Variants in TBKBP1 observed in about 807,000 individuals in gnomAD.
The protein encoded by TBKBP1 is TANK-binding kinase 1-binding protein 1.
TBKBP1 carries 47 observed loss-of-function variants against 69.9 expected under a neutral mutation model. That is an observed-to-expected ratio of 0.67 (90% CI 0.53 to 0.86). TBKBP1 has a LOEUF of 0.86. TBKBP1 is among the 40% of genes least tolerant of loss of function. The pLI, the probability that TBKBP1 is intolerant of heterozygous loss-of-function variation, is 0.00. For synonymous variants in TBKBP1, 418 were observed against 390.3 expected, an observed-to-expected ratio of 1.07 and a Z score of -0.84; for missense variants, 831 against 858.6, an observed-to-expected ratio of 0.97 and a Z score of 0.40.
At chr17:47,705,915 G>A (rs1199366622) in intron 7 of TBKBP1, among the ~76,000 whole-genome samples, 1 of 152,238 alleles carries the variant, frequency 6.6e-6, no homozygotes, top group Non-Finnish European at 1.5e-5. Context: ...GCCCCAGGTG[G>A]CAGAGCTGGG....
In TBKBP1 at chr17:47,710,913, T is replaced by C; in HGVS notation, c.*287T>C. Reference sequence around the variant, plus strand: ...GGCATACCCCTCCCAGGCCTCTCCCTCTGCCTTTCTGTTCTTAATCAGGGT... The same window carrying C: ...GGCATACCCCTCCCAGGCCTCTCCCCCTGCCTTTCTGTTCTTAATCAGGGT... On this transcript the variant is annotated 3_prime_UTR_variant, in exon 10 of 10. Transcript: ENST00000578982. The C allele has an allele frequency of 3.3e-6, 1 of 306,706 alleles. No individual in the cohort carries two copies. The highest frequency in any genetic ancestry group is 4.8e-5 in the Admixed American group (1 of 21,022). 19.0% of individuals were successfully genotyped at this position (306,706 alleles called of 1,614,324 possible). A position where few individuals can be genotyped will look rare whatever the true frequency, so the allele number is the denominator to read the frequency against.
chr17:47,711,207 C>G lies in TBKBP1; in HGVS notation c.*581C>G, dbSNP rs951539081. 5 of 153,068 alleles carry G rather than the reference C, an allele frequency of 3.3e-5. No individual in the cohort carries two copies. Among genetic ancestry groups the G allele is most frequent in the African/African-American group, 1.2e-4 (5 of 41,464 alleles). The allele number at this position is 153,068 out of a possible 1,614,324, so 9.5% of individuals were successfully genotyped here. ...TTCTTGTGGTTCCCTGCAGGCCAGT[C>G]CTGTCCTCCTTTCCCTGTTCTGCCC... On this transcript the variant is annotated 3_prime_UTR_variant, in exon 10 of 10. Coordinates refer to ENST00000578982, the MANE Select transcript of TBKBP1 (RefSeq NM_001394755.1).
At chr17:47,696,043 A>G (rs1257394377) in intron 1 of TBKBP1, 36 bp from the exon 2 acceptor site, 13 of 1,268,626 alleles carry the variant, frequency 1.0e-5, no homozygotes, top group Admixed American at 9.2e-5. Context: ...AACCCTAGAC[A>G]GACGGCCCTG....
In TBKBP1 at chr17:47,708,260, T is replaced by TA; in HGVS notation, c.873-134_873-133insA. 2 of 837,318 alleles carry TA rather than the reference T, an allele frequency of 2.4e-6. No individual in the cohort carries two copies. Among genetic ancestry groups the TA allele is most frequent in the Non-Finnish European group, 3.7e-6 (2 of 535,316 alleles). The allele number at this position is 837,318 out of a possible 1,614,324, so 51.9% of individuals were successfully genotyped here. On this transcript the variant is annotated intron_variant, in intron 7 of 9. Coordinates refer to ENST00000578982, the MANE Select transcript of TBKBP1 (RefSeq NM_001394755.1). The surrounding 1 kb of genome is among the most constrained non-coding windows in gnomAD (Gnocchi z 4.4). ...TTAAAGGTAGGGAGGATTTCTGCAA[T>TA]TGGGGTAGGAGGGCCCTGCGGGTGG...
At position 47,696,828 on chromosome 17, in the gene TBKBP1, C is replaced by A. The variant is rs766112751; in HGVS notation, c.343C>A (p.His115Asn). The change falls in exon 3 of 10, where the codon CAT (histidine) becomes AAT (asparagine). Residue 115 changes from histidine to asparagine, a missense_variant. By Grantham distance (68) the His-to-Asn change is moderately conservative. Transcript: ENST00000578982. The stretch of plus-strand genomic sequence containing the variant: ...GCAGCAACGGCTCAACCAGTTCCAG[C>A]ATGAGGTGAGCCTACCAGGCTGGGC... ...SLQQRLNQFQ[H>N]ELQKNKEQEE... is the part of the protein sequence containing the mutation. The A allele has an allele frequency of 4.3e-6, 7 of 1,613,636 alleles. No individual in the cohort carries two copies. The highest frequency in any genetic ancestry group is 2.5e-6 in the Non-Finnish European group (3 of 1,179,764).
intron 7 of TBKBP1, among the ~76,000 whole-genome samples, chr17:47,706,670 C>A (rs1240788640): frequency 1.3e-5 from 2 of 152,130 alleles, no homozygotes; most frequent in Non-Finnish European, 2.9e-5. Context: ...TAAAAATAGT[C>A]TTGTGGGAGG....
chr17:47,708,621 C>T lies in TBKBP1; in HGVS notation c.992-104C>T, dbSNP rs1186370329. 4.2e-6 allele frequency: 6 copies of T among 1,439,618 alleles called. No homozygotes were observed. Among genetic ancestry groups the T allele is most frequent in the Non-Finnish European group, 5.6e-6 (6 of 1,063,796 alleles). 89.2% of individuals were successfully genotyped at this position (1,439,618 alleles called of 1,614,324 possible). ...CCACCCTTTATTTCCTTTCCTGTGG[C>T]CTGGAGTTGGTGGGCATGGGTCCGG... On this transcript the variant is annotated intron_variant, in intron 8 of 9. Coordinates refer to ENST00000578982, the MANE Select transcript of TBKBP1 (RefSeq NM_001394755.1). The surrounding 1 kb of genome is among the most constrained non-coding windows in gnomAD (Gnocchi z 4.4).
intron 7 of TBKBP1, among the ~76,000 whole-genome samples, chr17:47,699,947 C>T (rs1207296277): frequency 6.6e-6 from 1 of 151,134 alleles, no homozygotes; most frequent in Non-Finnish European, 1.5e-5. Context: ...CTCAGCCTCC[C>T]GAGTAGCTGG....
rs569112461 is a variant in TBKBP1, at chr17:47,708,546, G to A, written c.991+34G>A. On this transcript the variant is annotated intron_variant, in intron 8 of 9. Coordinates refer to ENST00000578982, the MANE Select transcript of TBKBP1 (RefSeq NM_001394755.1). The surrounding 1 kb of genome is among the most constrained non-coding windows in gnomAD (Gnocchi z 4.4). Reference sequence around the variant, plus strand: ...GGGCAGGGCAGGGGGAGGCAGCCGCGGGACCCGGGAAGGAGCGGGTAGCCA... The same window carrying A: ...GGGCAGGGCAGGGGGAGGCAGCCGCAGGACCCGGGAAGGAGCGGGTAGCCA... The A allele has an allele frequency of 1.4e-4, 223 of 1,606,878 alleles. 3 individuals are homozygous for A. The South Asian group carries it at 2.3e-3, about 16-fold the overall frequency.
upstream of TBKBP1, chr17:47,694,127 G>C (rs2031104856): frequency 6.9e-6 from 1 of 145,642 alleles, no homozygotes; most frequent in South Asian, 2.1e-4. Flanking sequence ...GGGGGCACTG[G>C]TGCCCGTTTG....
At chr17:47,710,094 G>A (rs956391647) in intron 9 of TBKBP1, among the ~76,000 whole-genome samples, 3 of 152,230 alleles carry the variant, frequency 2.0e-5, no homozygotes, top group African/African-American at 7.2e-5. Flanking sequence ...CTGAATGTCA[G>A]AGCCACCCAT....
At position 47,708,778 on chromosome 17, in the gene TBKBP1, T is replaced by A; in HGVS notation, c.1045T>A (p.Ser349Thr). 7.0e-6 allele frequency: 2 copies of A among 285,242 alleles called. No homozygotes were observed. The highest frequency in any genetic ancestry group is 1.2e-5 in the Non-Finnish European group (2 of 170,466). The allele number at this position is 285,242 out of a possible 1,614,324, so 17.7% of individuals were successfully genotyped here. A position where few individuals can be genotyped will look rare whatever the true frequency, so the allele number is the denominator to read the frequency against. ...CCACTCCCCGGCCCCCCAGTGCCCC[T>A]CCCCCTCCCCGCCTGCCCGAGCGGC... ...QRHSPAPQCP[S>T]PSPPARAAPP... Residue 349 changes from serine to threonine, a missense_variant, in exon 9 of 10, where the codon TCC becomes ACC. Ser to Thr is a moderately conservative substitution (Grantham distance 58, BLOSUM62 1). Coordinates refer to ENST00000578982, the MANE Select transcript of TBKBP1 (RefSeq NM_001394755.1). This position sits in a 1 kb window ranked among gnomAD's most constrained non-coding sequence, Gnocchi z 4.4.
rs1486130974 is a variant in TBKBP1, at chr17:47,709,346, G to A, written c.1613G>A (p.Gly538Asp). The A allele has an allele frequency of 1.3e-6, 2 of 1,526,790 alleles. No individual in the cohort carries two copies. Among genetic ancestry groups the A allele is most frequent in the East Asian group, 2.5e-5 (1 of 39,848 alleles). 94.6% of individuals were successfully genotyped at this position (1,526,790 alleles called of 1,614,324 possible). ...VPTSPPSPEVGTIRCASFCAG... is the reference protein window; with the variant it reads ...VPTSPPSPEVDTIRCASFCAG... ...ACCAGCCCGCCCAGCCCGGAGGTGG[G>A]CACCATCCGCTGCGCCTCCTTCTGC... The change falls in exon 9 of 10, where the codon GGC becomes GAC. Residue 538 changes from glycine to aspartate, a missense_variant. By Grantham distance (94) the Gly-to-Asp change is moderately conservative. Coordinates refer to ENST00000578982, the MANE Select transcript of TBKBP1 (RefSeq NM_001394755.1).
rs1180680252 is a variant in TBKBP1, at chr17:47,708,999, G to A, written c.1266G>A (p.Pro422=). 7.0e-6 allele frequency: 8 copies of A among 1,134,936 alleles called. No individual in the cohort carries two copies. Among genetic ancestry groups the A allele is most frequent in the Non-Finnish European group, 8.6e-6 (8 of 926,490 alleles). The allele number at this position is 1,134,936 out of a possible 1,614,324, so 70.3% of individuals were successfully genotyped here. Reference sequence around the variant, plus strand: ...GTTCCCCGGTGCCCCCCAGCTGCCCGGCCCCGCAGCCCCGGCCACCGCCGC... The same window carrying A: ...GTTCCCCGGTGCCCCCCAGCTGCCCAGCCCCGCAGCCCCGGCCACCGCCGC... ...QRRSPVPPSC[P]APQPRPPPPP... The change falls in exon 9 of 10, where the codon CCG becomes CCA. Residue 422 remains proline (P), a synonymous_variant. Transcript: ENST00000578982. The surrounding 1 kb of genome is among the most constrained non-coding windows in gnomAD (Gnocchi z 4.4).
intron 7 of TBKBP1, among the ~76,000 whole-genome samples, chr17:47,705,037 A>G (rs1368011241): frequency 1.3e-5 from 2 of 152,088 alleles, no homozygotes; most frequent in African/African-American, 4.8e-5. Flanking sequence ...CTGATTTTCT[A>G]CTTCCACATG....
chr17:47,706,219 C>A (rs115373884), intron 7 of TBKBP1, among the ~76,000 whole-genome samples: 2,012 of 152,246 alleles, frequency 0.013, 40 homozygotes, highest in African/African-American at 0.047. Flanking sequence ...TCTGTCTGTG[C>A]CCTGCCCAGA....
In TBKBP1 at chr17:47,696,850, G is replaced by C; in HGVS notation, c.348+17G>C. On this transcript the variant is annotated intron_variant, in intron 3 of 9. Transcript: ENST00000578982. ...CAGCATGAGGTGAGCCTACCAGGCT[G>C]GGCGCACCCCCTGAGCATCTTGCTC... 1 of 1,612,696 alleles carries C rather than the reference G, an allele frequency of 6.2e-7. No individual in the cohort carries two copies. The highest frequency in any genetic ancestry group is 1.1e-5 in the South Asian group (1 of 91,034).
Position 47,709,458 on chromosome 17 carries a change from TG to T in TBKBP1, c.1719+10del. The T allele has an allele frequency of 2.0e-6, 3 of 1,515,374 alleles. No homozygotes were observed. The highest frequency in any genetic ancestry group is 4.1e-5 in the Admixed American group (2 of 48,234). 93.9% of individuals were successfully genotyped at this position (1,515,374 alleles called of 1,614,324 possible). A position where few individuals can be genotyped will look rare whatever the true frequency, so the allele number is the denominator to read the frequency against. ...AGTCCTGGCCGTCCATCAACGTGAG[TG>T]GGGCGCCCGCGTTCCGCCCACCCCG... On this transcript the variant is annotated splice_region_variant and intron_variant, in intron 9 of 9. Coordinates refer to ENST00000578982, the MANE Select transcript of TBKBP1 (RefSeq NM_001394755.1).
chr17:47,696,150 C>T lies in TBKBP1; in HGVS notation c.38C>T (p.Thr13Met), dbSNP rs774960661. ...TTCGAGGACGACATCAGCATCCTGACGCAGGAGGCCCTGGGGCCTAGTGAG... is the reference window on the plus strand; with the variant it reads ...TTCGAGGACGACATCAGCATCCTGATGCAGGAGGCCCTGGGGCCTAGTGAG... ...SMFEDDISIL[T>M]QEALGPSEVW... The change falls in exon 2 of 10, where the codon ACG (threonine) becomes ATG (methionine). Residue 13 changes from threonine (T) to methionine (M), a missense_variant. Transcript: ENST00000578982. 10 of 1,613,200 alleles carry T rather than the reference C, an allele frequency of 6.2e-6. 1 individual carries two copies. The East Asian group carries it at 8.9e-5, about 14-fold the overall frequency.
Sources: allele counts gnomAD v4.1 joint callset (sites outside exome capture counted in the v4.1 genomes callset), GRCh38; gene constraint gnomAD v4.1.1; non-coding constraint Gnocchi (gnomAD v3.1); transcripts MANE v1.5; gene names NCBI Gene and HGNC (gene_info 2026-07-23, HGNC 2026-07-21).